The following SVIL variants were observed in gnomAD, a reference collection of about 807,000 sequenced individuals.
SVIL encodes the protein supervillin.
In SVIL, 101 loss-of-function variants were observed where a neutral mutation model predicts 240.4. That is an observed-to-expected ratio of 0.42 (90% CI 0.36 to 0.50). The LOEUF (loss-of-function observed/expected upper bound fraction) is 0.50. Among genes scored for constraint, SVIL ranks in the 20% least tolerant of loss-of-function variants. The probability of loss-of-function intolerance (pLI) is 0.01; values close to 1 mark genes in which losing one functional copy is unlikely to be tolerated. For synonymous variants in SVIL, 999 were observed against 1,100.0 expected (o/e 0.91, Z 1.82); for missense variants, 2,512 against 2,818.7 (o/e 0.89, Z 2.46).
intron 2 of SVIL, among the ~76,000 whole-genome samples, chr10:29,685,299 A>T (rs1038950417): frequency 6.6e-6 from 1 of 152,200 alleles, no homozygotes; most frequent in Non-Finnish European, 1.5e-5. Flanking sequence ...TATGCACCAC[A>T]TGTTCTTTAT....
At chr10:29,709,202 C>A (rs940460311) in intron 1 of SVIL, among the ~76,000 whole-genome samples, 1 of 152,112 alleles carries the variant, frequency 6.6e-6, no homozygotes, top group Non-Finnish European at 1.5e-5. Flanking sequence ...AGATTTCAGA[C>A]GTTTTTGGAT....
chr10:29,668,613 A>G (rs578246277), intron 2 of SVIL, among the ~76,000 whole-genome samples: 3 of 152,158 alleles, frequency 2.0e-5, no homozygotes, highest in Non-Finnish European at 4.4e-5. Flanking sequence ...AGCTGGGACT[A>G]CAGGCACGTG....
chr10:29,478,070 C>T (rs1204859310), intron 29 of SVIL, among the ~76,000 whole-genome samples: 6 of 152,282 alleles, frequency 3.9e-5, no homozygotes, highest in South Asian at 2.1e-4. Flanking sequence ...ATTTTAGGAA[C>T]GGGCACTACA....
intron 1 of SVIL, among the ~76,000 whole-genome samples, chr10:29,709,396 G>T (rs1963125322): frequency 1.3e-5 from 2 of 152,204 alleles, no homozygotes; most frequent in Non-Finnish European, 1.5e-5. Flanking sequence ...AAACTCCCCA[G>T]AGCTAAGGTG....
Position 29,735,199 on chromosome 10 carries a change from C to T in SVIL, c.-400+552G>A, listed in dbSNP as rs1399211367. ...GCAGCTGGGGTGGCCTGGCGCACCA[C>T]GCATCGGGTTCAAACCCGCGCGGGC... On this transcript the variant is annotated intron_variant, in intron 1 of 35. Coordinates refer to the SVIL transcript ENST00000375400. The surrounding 1 kb of genome is among the most constrained non-coding windows in gnomAD (Gnocchi z 4.1). Among the ~76,000 whole-genome samples, 1 of 152,146 alleles carries T rather than the reference C, an allele frequency of 6.6e-6. No homozygotes were observed. Among genetic ancestry groups the T allele is most frequent in the Non-Finnish European group, 1.5e-5 (1 of 68,006 alleles).
intron 2 of SVIL, among the ~76,000 whole-genome samples, chr10:29,668,008 G>A (rs116168513): frequency 8.8e-4 from 134 of 152,222 alleles, no homozygotes; most frequent in African/African-American, 3.0e-3. Context: ...CTTCTACAAG[G>A]TTCTACAAAC....
intron 1 of SVIL, among the ~76,000 whole-genome samples, chr10:29,696,158 T>C (rs575875890): frequency 7.9e-5 from 12 of 151,976 alleles, no homozygotes; most frequent in African/African-American, 2.6e-4. Flanking sequence ...TTCGCTGTGT[T>C]GGCCAGACTG....
At chr10:29,466,494 G>A (rs118164383) in intron 33 of SVIL, among the ~76,000 whole-genome samples, 1,535 of 152,232 alleles carry the variant, frequency 0.01, 16 homozygotes, top group Non-Finnish European at 0.014. Flanking sequence ...CAAGCACAGC[G>A]GTTCCACATC....
intron 1 of SVIL, among the ~76,000 whole-genome samples, chr10:29,579,175 C>T (rs529002809): frequency 2.0e-5 from 3 of 151,896 alleles, no homozygotes; most frequent in Admixed American, 6.5e-5. Context: ...CAGTGGCTCA[C>T]GCCTGTAATC....
chr10:29,545,710 T>C (rs1952603585), intron 6 of SVIL, among the ~76,000 whole-genome samples: 1 of 151,522 alleles, frequency 6.6e-6, no homozygotes, highest in Non-Finnish European at 1.5e-5. Context: ...CAAAAATTAG[T>C]TGGGTGTGGT....
chr10:29,566,544 T>TA lies in SVIL; in HGVS notation c.-143+2710dup, dbSNP rs796603955. Among the ~76,000 whole-genome samples the TA allele has an allele frequency of 1.3e-3, 199 of 152,144 alleles. 1 individual carries two copies. Among genetic ancestry groups the TA allele is most frequent in the African/African-American group, 4.4e-3 (181 of 41,488 alleles). On this transcript the variant is annotated intron_variant, in intron 2 of 37. Transcript: ENST00000355867. ...ACATGTGAAATCGAGTTTCTTTCTT[T>TA]AAAAAAAATCATGTTTCTTCCCTGA...
chr10:29,492,285 C>T (rs1948035902), intron 21 of SVIL, among the ~76,000 whole-genome samples: 1 of 152,018 alleles, frequency 6.6e-6, no homozygotes, highest in African/African-American at 2.4e-5. Context: ...CCTGGAACTT[C>T]TGCTTGGACT....
chr10:29,521,180 C>G (rs1372730176), intron 16 of SVIL, among the ~76,000 whole-genome samples: 9 of 149,968 alleles, frequency 6.0e-5, no homozygotes, highest in Non-Finnish European at 1.3e-4. Context: ...CCAAGATCAT[C>G]CCATTGCACT....
At chr10:29,546,181 T>C (rs1952670011) in intron 6 of SVIL, among the ~76,000 whole-genome samples, 1 of 152,224 alleles carries the variant, frequency 6.6e-6, no homozygotes, top group Non-Finnish European at 1.5e-5. Context: ...CTAAATCCCT[T>C]TTAATTTTAT....
intron 1 of SVIL, among the ~76,000 whole-genome samples, chr10:29,706,277 C>G (rs1962886294): frequency 2.6e-5 from 4 of 152,336 alleles, no homozygotes; most frequent in African/African-American, 9.6e-5. Context: ...TTCCCACCAA[C>G]AGTGTAAAAG....
chr10:29,550,788 A>T lies in SVIL; in HGVS notation c.636T>A (p.Ser212Arg), dbSNP rs149915149. Residue 212 changes from serine to arginine, a missense_variant, in exon 6 of 38, where the codon AGT (serine) becomes AGA (arginine). Physicochemically the swap from Ser to Arg is moderately radical, Grantham distance 110. Coordinates refer to ENST00000355867, the MANE Select transcript of SVIL (RefSeq NM_021738.3). ...ACAGGTCATGGGCCTGCCGGGTGGC[A>T]CTCAGCTCTTGACCTCGTCTTTGGT... is the stretch of plus-strand genomic sequence containing the variant. ...IENQRRGQEL[S>R]ATRQAHDLSP... 17 of 1,614,060 alleles carry T rather than the reference A, an allele frequency of 1.1e-5. No homozygotes were observed. In the African/African-American group the frequency reaches 2.1e-4, roughly 20 times the overall value.
rs565516220 is a variant in SVIL at position 29,458,691 on chromosome 10, C to T, written c.6403-102G>A. On this transcript the variant is annotated intron_variant, in intron 36 of 37. Coordinates refer to ENST00000355867, the MANE Select transcript of SVIL (RefSeq NM_021738.3). Reference sequence around the variant, plus strand: ...ACAGCCCTGTGCCACCTGCATACTGCCTGAGGATGCATAGTTCCATATCAC... The same window carrying T: ...ACAGCCCTGTGCCACCTGCATACTGTCTGAGGATGCATAGTTCCATATCAC... 87 of 1,226,478 alleles carry T rather than the reference C, an allele frequency of 7.1e-5. No individual in the cohort carries two copies. The African/African-American group carries it at 1.1e-3, about 16-fold the overall frequency. 76.0% of individuals were successfully genotyped at this position (1,226,478 alleles called of 1,614,324 possible).
intron 17 of SVIL, among the ~76,000 whole-genome samples, chr10:29,509,335 GAGAGAGAGAGAGAGAGA>G (rs1564541018): frequency 0.013 from 594 of 47,144 alleles, 8 homozygotes; most frequent in African/African-American, 0.057. Flanking sequence ...GGGAGGGAGA[GAGAGAGAGAGAGAGAGA>G]GAGAGAGAGA....
In SVIL at chr10:29,533,079, C is replaced by G. The variant is rs368553518; in HGVS notation, c.1288G>C (p.Glu430Gln). Reference sequence around the variant, plus strand: ...TCTTCTCCTTCTCCTTCCCCTTCTTCTTCTTCTGCTTTTGACTCGCAGACA... The same window carrying G: ...TCTTCTCCTTCTCCTTCCCCTTCTTGTTCTTCTGCTTTTGACTCGCAGACA... ...LHVCESKAEE[E>Q]EGEGEGEEKE... Residue 430 changes from glutamate (E) to glutamine (Q), a missense_variant, in exon 8 of 38, where the codon GAA becomes CAA. Glu to Gln is a conservative substitution (Grantham distance 29). Around this residue, in one of 3 missense-constraint regions of SVIL, gnomAD observed 1,443 missense variants for 1,486.6 expected, o/e 0.97. Transcript: ENST00000355867. 1 of 1,614,008 alleles carries G rather than the reference C, an allele frequency of 6.2e-7. No homozygotes were observed.
Sources: allele counts gnomAD v4.1 joint callset (sites outside exome capture counted in the v4.1 genomes callset), GRCh38; gene constraint gnomAD v4.1.1; regional missense constraint gnomAD v4.1.1; non-coding constraint Gnocchi (gnomAD v3.1); transcripts MANE v1.5; gene names NCBI Gene and HGNC (gene_info 2026-07-23, HGNC 2026-07-21).